The following SLC9A4 variants were observed in gnomAD, a reference collection of about 807,000 sequenced individuals.
SLC9A4 encodes solute carrier family 9 member A4.
A neutral mutation model predicts 67.4 loss-of-function variants in SLC9A4; 63 were observed. The ratio of observed to expected loss-of-function variants is 0.93; its 90% CI spans 0.76 to 1.15. The LOEUF is 1.15. SLC9A4 is among the 50% of genes most tolerant of loss of function. SLC9A4 has a pLI of 0.00. For missense variants in SLC9A4, 1,089 were observed against 987.7 expected, an observed-to-expected ratio of 1.10 and a Z score of -1.38; for synonymous variants, 393 against 367.2, an observed-to-expected ratio of 1.07 and a Z score of -0.80.
intron 1 of SLC9A4, among the ~76,000 whole-genome samples, chr2:102,478,212 G>A (rs183682762): frequency 6.5e-4 from 99 of 152,304 alleles, no homozygotes; most frequent in African/African-American, 2.1e-3. Context: ...CCTAAATAAA[G>A]GCAGTGGCCA....
In SLC9A4 at chr2:102,514,072, G is replaced by A; in HGVS notation, c.1560-18G>A. The A allele has an allele frequency of 1.9e-6, 3 of 1,607,972 alleles. No homozygotes were observed. Among genetic ancestry groups the A allele is most frequent in the Non-Finnish European group, 2.5e-6 (3 of 1,177,742 alleles). On this transcript the variant is annotated intron_variant, in intron 7 of 11. Coordinates refer to ENST00000295269, the MANE Select transcript of SLC9A4 (RefSeq NM_001011552.4). The stretch of plus-strand genomic sequence containing the variant: ...TACAGACGTTCAAGATTTCCAAAAT[G>A]TTGGTTTTCATTTTTAGGTTTAAGA...
intron 7 of SLC9A4, among the ~76,000 whole-genome samples, chr2:102,512,918 T>G (rs1193120865): frequency 6.6e-6 from 1 of 151,918 alleles, no homozygotes; most frequent in African/African-American, 2.4e-5. Flanking sequence ...GGAAGGAGAT[T>G]GAGAAGAAGT....
intron 10 of SLC9A4, 117 bp downstream of exon 10, chr2:102,525,272 C>A: frequency 6.8e-7 from 1 of 1,471,120 alleles, no homozygotes; most frequent in Non-Finnish European, 9.2e-7. Flanking sequence ...ACAAACAAAA[C>A]CCCACCTTGT....
At position 102,481,524 on chromosome 2, in the gene SLC9A4, A is replaced by C. The variant is rs182183906; in HGVS notation, c.720+2222A>C. Among the ~76,000 whole-genome samples the C allele has an allele frequency of 4.6e-5, 7 of 152,010 alleles. No homozygotes were observed. The East Asian group carries it at 1.4e-3, about 29-fold the overall frequency. On this transcript the variant is annotated intron_variant, in intron 2 of 11. Coordinates refer to ENST00000295269, the MANE Select transcript of SLC9A4 (RefSeq NM_001011552.4). ...TTAAATTTCAGATAAACAATGAATA[A>C]TTTTTTTTAGTATAAGTATGTCATA...
chr2:102,521,775 G>T (rs1251250082), intron 9 of SLC9A4, among the ~76,000 whole-genome samples: 1 of 152,134 alleles, frequency 6.6e-6, no homozygotes, highest in East Asian at 1.9e-4. Context: ...CTCTAGCCTG[G>T]GTGATAGATG....
At chr2:102,517,508 G>C (rs944541220) in intron 8 of SLC9A4, among the ~76,000 whole-genome samples, 6 of 152,166 alleles carry the variant, frequency 3.9e-5, no homozygotes, top group Non-Finnish European at 8.8e-5. Context: ...TATACACTTG[G>C]AGAGAAGAAA....
At position 102,508,097 on chromosome 2, in the gene SLC9A4, A is replaced by G. The variant is rs962229962; in HGVS notation, c.1217A>G (p.Tyr406Cys). Reference sequence around the variant, plus strand: ...TTTCTAGGCGTATTTGCTCTCTTCTATATCAGTAACCAGTTTCGGACTTTC... The same window carrying G: ...TTTCTAGGCGTATTTGCTCTCTTCTGTATCAGTAACCAGTTTCGGACTTTC... ...WRAISVFALFYISNQFRTFPF... is the reference protein window; with the variant it reads ...WRAISVFALFCISNQFRTFPF... Residue 406 changes from tyrosine (Y) to cysteine (C), a missense_variant, in exon 5 of 12, where the codon TAT becomes TGT. By Grantham distance (194) the Tyr-to-Cys change is radical. Transcript: ENST00000295269. 10 of 1,614,014 alleles carry G rather than the reference A, an allele frequency of 6.2e-6. No individual in the cohort carries two copies. Among genetic ancestry groups the G allele is most frequent in the Middle Eastern group, 1.6e-4 (1 of 6,084 alleles).
At chr2:102,531,243 A>G (rs538095178) in intron 11 of SLC9A4, among the ~76,000 whole-genome samples, 2 of 152,068 alleles carry the variant, frequency 1.3e-5, no homozygotes, top group Non-Finnish European at 1.5e-5. Context: ...TTTCTAGAAA[A>G]TACCTAAATT....
intron 3 of SLC9A4, among the ~76,000 whole-genome samples, chr2:102,504,434 T>C (rs1164114759): frequency 6.6e-6 from 1 of 152,232 alleles, no homozygotes; most frequent in Non-Finnish European, 1.5e-5. Flanking sequence ...CAGTGTGTGA[T>C]GAAACTAGAC....
chr2:102,512,173 A>T, intron 6 of SLC9A4, 30 bp from the exon 7 acceptor site: 2 of 1,613,676 alleles, frequency 1.2e-6, no homozygotes, highest in African/African-American at 2.7e-5. Context: ...GCGTTTCTCC[A>T]GCAATCATTT....
chr2:102,523,359 A>G (rs2104447456), intron 9 of SLC9A4, among the ~76,000 whole-genome samples: 1 of 152,216 alleles, frequency 6.6e-6, no homozygotes, highest in Middle Eastern at 3.4e-3. Flanking sequence ...GGAAACCATA[A>G]ATCTACTTAA....
intron 10 of SLC9A4, among the ~76,000 whole-genome samples, 173 bp from the exon 11 acceptor site, chr2:102,526,086 C>A (rs572432675): frequency 7.2e-5 from 11 of 152,306 alleles, no homozygotes; most frequent in African/African-American, 2.6e-4. Context: ...CGGGGTTTCA[C>A]CATGTTGGCC....
chr2:102,528,374 T>C (rs1044131078), intron 11 of SLC9A4, among the ~76,000 whole-genome samples: 1 of 151,824 alleles, frequency 6.6e-6, no homozygotes, highest in Admixed American at 6.6e-5. Context: ...GTTATTTGAG[T>C]GAGAAAACAA....
At chr2:102,509,018 T>C (rs577086379) in intron 6 of SLC9A4, 85 bp downstream of exon 6, 3 of 1,110,232 alleles carry the variant, frequency 2.7e-6, no homozygotes, top group African/African-American at 3.2e-5. Context: ...GTCACTAGAC[T>C]TCCTCTTTCC....
intron 11 of SLC9A4, among the ~76,000 whole-genome samples, 165 bp from the exon 12 acceptor site, chr2:102,532,165 C>T (rs1477782453): frequency 1.3e-5 from 2 of 152,170 alleles, no homozygotes; most frequent in African/African-American, 4.8e-5. Context: ...CTGCTTGGGG[C>T]AGTGTCCTTG....
chr2:102,493,277 C>G (rs1357075696), intron 2 of SLC9A4, among the ~76,000 whole-genome samples: 1 of 151,954 alleles, frequency 6.6e-6, no homozygotes, highest in Non-Finnish European at 1.5e-5. Context: ...TATAGTAGTA[C>G]CCCACTCTAC....
intron 9 of SLC9A4, among the ~76,000 whole-genome samples, chr2:102,523,459 C>G (rs544866614): frequency 6.6e-6 from 1 of 152,090 alleles, no homozygotes; most frequent in African/African-American, 2.4e-5. Flanking sequence ...TTGACTTGAC[C>G]GTCTCATGTA....
intron 2 of SLC9A4, among the ~76,000 whole-genome samples, chr2:102,483,841 T>TATACACAC (rs370126753): frequency 1.0e-3 from 132 of 126,650 alleles, no homozygotes; most frequent in African/African-American, 3.0e-3. Flanking sequence ...TATATATATA[T>TATACACAC]ACACACACAC....
intron 9 of SLC9A4, among the ~76,000 whole-genome samples, chr2:102,522,885 G>T (rs999475826): frequency 6.6e-6 from 1 of 152,172 alleles, no homozygotes; most frequent in Non-Finnish European, 1.5e-5. Flanking sequence ...AAAAGTGGAT[G>T]ATAAAGAGCT....
Sources: allele counts gnomAD v4.1 joint callset (sites outside exome capture counted in the v4.1 genomes callset), GRCh38; gene constraint gnomAD v4.1.1; transcripts MANE v1.5; gene names NCBI Gene and HGNC (gene_info 2026-07-23, HGNC 2026-07-21).